The following SLC7A8 variants were observed in gnomAD, a reference collection of about 807,000 sequenced individuals.
SLC7A8 encodes the protein large neutral amino acids transporter small subunit 2.
SLC7A8 carries 30 observed loss-of-function variants against 51.2 expected under a neutral mutation model. The observed-to-expected ratio is 0.59, with a 90% confidence interval of 0.44 to 0.80. SLC7A8 has a LOEUF of 0.80. Ranked by LOEUF, SLC7A8 falls within the 30% of genes least tolerant of loss-of-function variation. The probability of loss-of-function intolerance (pLI) is 0.00; values close to 1 mark genes in which losing one functional copy is unlikely to be tolerated. For missense variants in SLC7A8, 612 were observed against 674.4 expected, an observed-to-expected ratio of 0.91 and a Z score of 1.03; for synonymous variants, 257 against 275.8, an observed-to-expected ratio of 0.93 and a Z score of 0.67.
At chr14:23,143,014 T>G in intron 4 of SLC7A8, 65 bp downstream of exon 4, 1 of 1,585,312 alleles carries the variant, frequency 6.3e-7, no homozygotes, top group Non-Finnish European at 8.6e-7. Flanking sequence ...AAAGCTGGGC[T>G]GAGAGGGTGT....
At chr14:23,144,840 T>C (rs1298681663) in intron 3 of SLC7A8, among the ~76,000 whole-genome samples, 1 of 152,184 alleles carries the variant, frequency 6.6e-6, no homozygotes, top group Non-Finnish European at 1.5e-5. Context: ...CTGTGTTTTG[T>C]AGACGAGGAA....
intron 4 of SLC7A8, 103 bp downstream of exon 4, chr14:23,142,976 G>C: frequency 7.0e-7 from 1 of 1,430,416 alleles, no homozygotes; most frequent in East Asian, 2.3e-5. Context: ...GCTAGAATTG[G>C]GGAAATCTCA....
intron 5 of SLC7A8, 108 bp from the exon 6 acceptor site, chr14:23,139,655 C>T: frequency 1.5e-6 from 2 of 1,338,282 alleles, no homozygotes; most frequent in South Asian, 1.5e-5. Flanking sequence ...AGCCTTACAG[C>T]CTTCTGTGAG....
intron 8 of SLC7A8, chr14:23,130,153 G>C (rs749500994): frequency 1.0e-4 from 19 of 188,782 alleles, no homozygotes; most frequent in Non-Finnish European, 1.9e-4. Context: ...TATAGCTCAA[G>C]CTAAATTCAT....
At chr14:23,164,865 G>A (rs1389171936) in intron 3 of SLC7A8, among the ~76,000 whole-genome samples, 8 of 152,000 alleles carry the variant, frequency 5.3e-5, no homozygotes, top group Non-Finnish European at 2.9e-5. Context: ...GGTGGCTCAC[G>A]CCTGCAATCC....
intron 3 of SLC7A8, among the ~76,000 whole-genome samples, chr14:23,149,779 CTATT>C (rs1379760184): frequency 2.0e-5 from 3 of 152,210 alleles, no homozygotes; most frequent in Admixed American, 6.5e-5. Flanking sequence ...CAACAACAGA[CTATT>C]TATACCTTGG....
At chr14:23,154,272 G>A in intron 3 of SLC7A8, 1 of 1,000,324 alleles carries the variant, frequency 1.0e-6, no homozygotes, top group Non-Finnish European at 1.2e-6. Context: ...TTGCTGGGGC[G>A]TTCACTTCTC....
intron 3 of SLC7A8, among the ~76,000 whole-genome samples, chr14:23,147,396 C>G (rs2048807070): frequency 6.6e-6 from 1 of 152,168 alleles, no homozygotes; most frequent in African/African-American, 2.4e-5. Flanking sequence ...GCCCACAAAA[C>G]AACGAGGTGA....
rs1877244526 is a variant in SLC7A8, at chr14:23,182,849, G to A, written c.66C>T (p.Asp22=). 6.2e-6 allele frequency: 10 copies of A among 1,614,016 alleles called. No individual in the cohort carries two copies. The highest frequency in any genetic ancestry group is 6.8e-6 in the Non-Finnish European group (8 of 1,179,968). Residue 22 remains aspartate, a synonymous_variant, in exon 1 of 11, where the codon GAC becomes GAT. Transcript: ENST00000316902. ...EKKHPGGGES[D]ASPEAGSGGG... is the part of the protein sequence containing the mutation. ...CTCCGGAACCAGCCTCGGGGCTGGC[G>A]TCCGACTCGCCCCCACCTGGGTGTT... is the stretch of plus-strand genomic sequence containing the variant.
At chr14:23,132,391 G>C (rs1594817141) in intron 7 of SLC7A8, among the ~76,000 whole-genome samples, 1 of 151,998 alleles carries the variant, frequency 6.6e-6, no homozygotes, top group African/African-American at 2.4e-5. Flanking sequence ...TCTTGTTTTG[G>C]GTAGTGGTTG....
chr14:23,149,604 C>G (rs993089655), intron 3 of SLC7A8, among the ~76,000 whole-genome samples: 1 of 152,202 alleles, frequency 6.6e-6, no homozygotes, highest in Non-Finnish European at 1.5e-5. Flanking sequence ...TCTGAGTACA[C>G]TCTTCACATC....
At position 23,128,903 on chromosome 14, in the gene SLC7A8, T is replaced by G. The variant is rs1256425228; in HGVS notation, c.1264-707A>C. Among the ~76,000 whole-genome samples the G allele has an allele frequency of 6.6e-6, 1 of 152,190 alleles. No homozygotes were observed. The highest frequency in any genetic ancestry group is 2.4e-5 in the African/African-American group (1 of 41,444). On this transcript the variant is annotated intron_variant, in intron 9 of 10. Coordinates refer to ENST00000316902, the MANE Select transcript of SLC7A8 (RefSeq NM_012244.4). The surrounding 1 kb of genome is among the most constrained non-coding windows in gnomAD (Gnocchi z 4.3). ...TAGAAAATGGCGGTGGAAATGCCAG[T>G]GAGGAACTGAGAGATTTGGAGAGCC...
At chr14:23,155,508 C>T (rs1747421321) in intron 3 of SLC7A8, 1 of 1,390,690 alleles carries the variant, frequency 7.2e-7, no homozygotes, top group Non-Finnish European at 9.3e-7. Flanking sequence ...CAGCATTTTC[C>T]AAGAGCTGAG....
Position 23,139,480 on chromosome 14 carries a change from C to T in SLC7A8, c.856G>A (p.Ala286Thr), listed in dbSNP as rs374741332. 65 of 1,613,932 alleles carry T rather than the reference C, an allele frequency of 4.0e-5. No individual in the cohort carries two copies. Among genetic ancestry groups the T allele is most frequent in the African/African-American group, 5.3e-5 (4 of 74,894 alleles). Reference sequence around the variant, plus strand: ...TGGGGGGACATTGCAGTGACATAAGCGACATTGGCAAAGACATACACAAAT... The same window carrying T: ...TGGGGGGACATTGCAGTGACATAAGTGACATTGGCAAAGACATACACAAAT... ...VTFVYVFANV[A>T]YVTAMSPQEL... Residue 286 changes from alanine (A) to threonine (T), a missense_variant, in exon 6 of 11, where the codon GCT (alanine) becomes ACT (threonine). Coordinates refer to ENST00000316902, the MANE Select transcript of SLC7A8 (RefSeq NM_012244.4).
chr14:23,144,610 T>C (rs1430011249), intron 3 of SLC7A8, among the ~76,000 whole-genome samples: 1 of 152,178 alleles, frequency 6.6e-6, no homozygotes, highest in African/African-American at 2.4e-5. Context: ...ACTTCTACTT[T>C]CCAAGTATTT....
intron 1 of SLC7A8, among the ~76,000 whole-genome samples, chr14:23,167,461 G>T (rs941649971): frequency 6.6e-6 from 1 of 152,066 alleles, no homozygotes; most frequent in Non-Finnish European, 1.5e-5. Flanking sequence ...ACTTAATCCG[G>T]CAATCTTTCC....
rs1344262427 is a variant in SLC7A8, at chr14:23,165,478, A to G, written c.357-42T>C. 6.4e-7 allele frequency: 1 copy of G among 1,554,350 alleles called. No individual in the cohort carries two copies. Among genetic ancestry groups the G allele is most frequent in the Non-Finnish European group, 8.6e-7 (1 of 1,158,482 alleles). On this transcript the variant is annotated intron_variant, in intron 2 of 10. Transcript: ENST00000316902. This position sits in a 1 kb window ranked among gnomAD's most constrained non-coding sequence, Gnocchi z 4.2. The stretch of plus-strand genomic sequence containing the variant: ...ACATCCGCCGAAAGGCATGGCAGGG[A>G]CGCAGAGCCATCAGGGGAGAGCCCG...
In SLC7A8 at chr14:23,165,532, C is replaced by G. The variant is rs1179628162; in HGVS notation, c.357-96G>C. ...AAGTCATGCATCTCTTTTTTATTTT[C>G]AAGGATGCTGAAGAGCCCAGCCTCT... On this transcript the variant is annotated intron_variant, in intron 2 of 10. Transcript: ENST00000316902. This position sits in a 1 kb window ranked among gnomAD's most constrained non-coding sequence, Gnocchi z 4.2. 1 of 1,343,144 alleles carries G rather than the reference C, an allele frequency of 7.4e-7. No homozygotes were observed. Among genetic ancestry groups the G allele is most frequent in the African/African-American group, 1.5e-5 (1 of 65,090 alleles). 83.2% of individuals were successfully genotyped at this position (1,343,144 alleles called of 1,614,324 possible). A position where few individuals can be genotyped will look rare whatever the true frequency, so the allele number is the denominator to read the frequency against.
At chr14:23,137,872 T>C in intron 7 of SLC7A8, 49 bp downstream of exon 7, 3 of 1,600,204 alleles carry the variant, frequency 1.9e-6, no homozygotes, top group Middle Eastern at 1.8e-4. Context: ...AATAGCAAAG[T>C]GCACAGCAGA....
Sources: allele counts gnomAD v4.1 joint callset (sites outside exome capture counted in the v4.1 genomes callset), GRCh38; gene constraint gnomAD v4.1.1; non-coding constraint Gnocchi (gnomAD v3.1); transcripts MANE v1.5; gene names NCBI Gene and HGNC (gene_info 2026-07-23, HGNC 2026-07-21).